The following NTRK1 variants were observed in gnomAD, a reference collection of about 807,000 sequenced individuals.
NTRK1 encodes the protein neurotrophic receptor tyrosine kinase 1.
Under a neutral mutation model 86.8 loss-of-function variants are expected in NTRK1, and 62 were observed. The ratio of observed to expected loss-of-function variants is 0.71; its 90% CI spans 0.58 to 0.88. The LOEUF (loss-of-function observed/expected upper bound fraction) is 0.88. NTRK1 is among the 40% of genes least tolerant of loss of function. NTRK1 has a pLI of 0.00. For missense variants in NTRK1, 967 were observed against 1,078.4 expected (o/e 0.90, Z 1.45); for synonymous variants, 469 against 456.6 (o/e 1.03, Z -0.35).
intron 2 of NTRK1, chr1:156,846,677 G>A (rs748609917): frequency 1.9e-6 from 3 of 1,614,178 alleles, no homozygotes; most frequent in Admixed American, 3.3e-5. Flanking sequence ...GCGGCTTAGG[G>A]GCAGCTCCAC....
intron 2 of NTRK1, chr1:156,844,153 G>A (rs374247650): frequency 6.4e-7 from 1 of 1,559,254 alleles, no homozygotes; most frequent in African/African-American, 1.4e-5. Flanking sequence ...AGGGGGTGGG[G>A]ACCGGTGGGA....
At chr1:156,841,758 T>C (rs762721536) in intron 1 of NTRK1, 2 of 1,614,076 alleles carry the variant, frequency 1.2e-6, no homozygotes, top group Admixed American at 3.3e-5. Flanking sequence ...CTTGCGGTAA[T>C]AGTCTGTCTC....
Position 156,854,863 on chromosome 1 carries a change from C to A in NTRK1, c.51-9491C>A, listed in dbSNP as rs1655352111. ...AAAACACAGATGGATCACGTTTCTC[C>A]TCTGCTTATAACCCCCCGTGACTTC... is the stretch of plus-strand genomic sequence containing the variant. On this transcript the variant is annotated intron_variant, in intron 2 of 16. Coordinates refer to the NTRK1 transcript ENST00000392302. This position sits in a 1 kb window ranked among gnomAD's most constrained non-coding sequence, Gnocchi z 4.2. 6.6e-6 allele frequency among the ~76,000 whole-genome samples: 1 copy of A among 152,148 alleles called. No individual in the cohort carries two copies. The highest frequency in any genetic ancestry group is 2.4e-5 in the African/African-American group (1 of 41,434).
At chr1:156,861,377 G>A (rs188002269) in intron 1 of NTRK1, among the ~76,000 whole-genome samples, 203 of 151,644 alleles carry the variant, frequency 1.3e-3, no homozygotes, top group African/African-American at 1.7e-3. Flanking sequence ...TGGGCCGCCG[G>A]CTTCAGGGAG....
upstream of NTRK1, chr1:156,858,993 ACCGCT>A: frequency 4.3e-6 from 1 of 230,580 alleles, no homozygotes; most frequent in Non-Finnish European, 8.8e-6. Context: ...CAGGCTGGGG[ACCGCT>A]CCCAAGGAGG....
chr1:156,874,943 T>C lies in NTRK1; in HGVS notation c.1289T>C (p.Leu430Pro), dbSNP rs1173497481. Reference sequence around the variant, plus strand: ...GTGGGCCTGGCCGTCTTTGCCTGCCTCTTCCTTTCTACGCTGCTCCTTGTG... The same window carrying C: ...GTGGGCCTGGCCGTCTTTGCCTGCCCCTTCCTTTCTACGCTGCTCCTTGTG... ...VAVGLAVFAC[L>P]FLSTLLLVLN... Residue 430 changes from leucine to proline, a missense_variant, in exon 11 of 17, where the codon CTC becomes CCC. Physicochemically the swap from Leu to Pro is moderately conservative, Grantham distance 98 (BLOSUM62 -3). Coordinates refer to ENST00000524377, the MANE Select transcript of NTRK1 (RefSeq NM_002529.4). 6.2e-7 allele frequency: 1 copy of C among 1,613,944 alleles called. No individual in the cohort carries two copies. Among genetic ancestry groups the C allele is most frequent in the Non-Finnish European group, 8.5e-7 (1 of 1,179,962 alleles).
chr1:156,859,988 G>A (rs924945810), upstream of NTRK1, among the ~76,000 whole-genome samples: 1 of 152,234 alleles, frequency 6.6e-6, no homozygotes, highest in African/African-American at 2.4e-5. This position sits in a 1 kb window ranked among gnomAD's most constrained non-coding sequence, Gnocchi z 6.2. Flanking sequence ...AAGGTGCGCG[G>A]TCCTCAGCTC....
At chr1:156,880,288 T>C in intron 16 of NTRK1, 131 bp downstream of exon 16, 1 of 906,414 alleles carries the variant, frequency 1.1e-6, no homozygotes, top group Non-Finnish European at 1.7e-6. Context: ...TCCAGCGCCG[T>C]GCCCACACTG....
At chr1:156,880,331 C>T in intron 16 of NTRK1, 174 bp downstream of exon 16, 1 of 679,378 alleles carries the variant, frequency 1.5e-6, no homozygotes, top group Non-Finnish European at 2.5e-6. Flanking sequence ...TTCTTCTCTT[C>T]CTCCCTTATT....
At chr1:156,881,321 C>A in intron 16 of NTRK1, 136 bp from the exon 17 acceptor site, 1 of 752,630 alleles carries the variant, frequency 1.3e-6, no homozygotes, top group Non-Finnish European at 2.1e-6. Flanking sequence ...TGTGTCCATT[C>A]GGGTTATTAG....
intron 1 of NTRK1, chr1:156,816,670 CT>C: frequency 6.2e-7 from 1 of 1,602,140 alleles, no homozygotes. Flanking sequence ...CAACTTCACA[CT>C]TACCTTGGGG....
At chr1:156,836,015 A>C (rs1654590063) in intron 1 of NTRK1, among the ~76,000 whole-genome samples, 1 of 151,988 alleles carries the variant, frequency 6.6e-6, no homozygotes, top group African/African-American at 2.4e-5. Context: ...CTCCCTTTTC[A>C]TAGTCTCAGA....
At chr1:156,851,779 G>T (rs1655220099) in intron 2 of NTRK1, 1 of 1,609,570 alleles carries the variant, frequency 6.2e-7, no homozygotes, top group Non-Finnish European at 8.5e-7. Flanking sequence ...CGCACTTGTG[G>T]CAGAATATGC....
chr1:156,880,266 T>TG, intron 16 of NTRK1, 109 bp downstream of exon 16: 5 of 1,224,250 alleles, frequency 4.1e-6, no homozygotes, highest in South Asian at 1.3e-5. Flanking sequence ...CACAGCCTGT[T>TG]GGGGGGCCCT....
At chr1:156,842,609 C>T in intron 2 of NTRK1, 1 of 813,182 alleles carries the variant, frequency 1.2e-6, no homozygotes, top group South Asian at 1.5e-5. Context: ...GACACCAAAC[C>T]TGACCCTAAC....
At chr1:156,819,096 A>G (rs373347769) in intron 1 of NTRK1, among the ~76,000 whole-genome samples, 5 of 152,184 alleles carry the variant, frequency 3.3e-5, no homozygotes, top group South Asian at 2.1e-4. Context: ...TCTGCCTCCC[A>G]GGTTCAAGTG....
At chr1:156,842,512 GGACA>G in intron 2 of NTRK1, 1 of 1,612,504 alleles carries the variant, frequency 6.2e-7, no homozygotes, top group Non-Finnish European at 8.5e-7. Context: ...GACGCACCTG[GGACA>G]GACAAAGGGC....
chr1:156,846,564 G>C, intron 2 of NTRK1: 1 of 1,614,202 alleles, frequency 6.2e-7, no homozygotes, highest in Non-Finnish European at 8.5e-7. Context: ...TGGGCTCCTT[G>C]ATGAGGGCTG....
intron 1 of NTRK1, among the ~76,000 whole-genome samples, chr1:156,831,195 T>C (rs1405712537): frequency 2.0e-5 from 3 of 152,072 alleles, no homozygotes; most frequent in Admixed American, 6.5e-5. Flanking sequence ...TAAGAAGTCA[T>C]GGGTGGAGAG....
Sources: gnomAD v4.1 joint callset for allele counts (sites outside exome capture counted in the v4.1 genomes callset) on GRCh38, gnomAD v4.1.1 for gene constraint, Gnocchi (gnomAD v3.1) non-coding constraint, MANE v1.5 for transcripts, NCBI Gene and HGNC (gene_info 2026-07-23, HGNC 2026-07-21) for gene names.